The following CCNT1 variants were observed in gnomAD, a reference collection of about 807,000 sequenced individuals.
CCNT1 encodes the protein cyclin-T1.
Under a neutral mutation model 67.3 loss-of-function variants are expected in CCNT1, and 18 were observed. The ratio of observed to expected loss-of-function variants is 0.27; its 90% CI spans 0.18 to 0.40. CCNT1 has a LOEUF of 0.40. Ranked by LOEUF, CCNT1 falls within the 10% of genes least tolerant of loss-of-function variation. CCNT1 has a pLI of 1.00. For synonymous variants in CCNT1, 333 were observed against 310.3 expected (o/e 1.07, Z -0.77); for missense variants, 744 against 884.9 (o/e 0.84, Z 2.02).
rs748920111 is a variant in CCNT1 at position 48,716,600 on chromosome 12, G to A, written c.76C>T (p.Arg26Cys). The A allele has an allele frequency of 4.3e-6, 7 of 1,614,230 alleles. No homozygotes were observed. Among genetic ancestry groups the A allele is most frequent in the Non-Finnish European group, 5.1e-6 (6 of 1,180,024 alleles). ...TCTTTATCTGGGTCCACGCCAAAAC[G>A]ACGGGATGGGCTATTTTCCAGCTGT... ...REQLENSPSR[R>C]FGVDPDKELS... is the part of the protein sequence containing the mutation. Residue 26 changes from arginine to cysteine, a missense_variant, in exon 1 of 9, where the codon CGT becomes TGT. Physicochemically the swap from Arg to Cys is radical, Grantham distance 180. Around this residue, in one of 3 missense-constraint regions of CCNT1, gnomAD observed 38 missense variants for 33.7 expected, o/e 1.13. Coordinates refer to ENST00000261900, the MANE Select transcript of CCNT1 (RefSeq NM_001240.4).
intron 5 of CCNT1, among the ~76,000 whole-genome samples, chr12:48,699,026 A>G (rs1028781471): frequency 4.6e-5 from 7 of 152,154 alleles, no homozygotes; most frequent in African/African-American, 1.7e-4. Context: ...CAAATCATCA[A>G]ATAATGTAAT....
intron 2 of CCNT1, among the ~76,000 whole-genome samples, chr12:48,712,595 T>TAAAAAAAAA (rs759919820): frequency 4.5e-4 from 15 of 33,372 alleles, no homozygotes; most frequent in African/African-American, 1.2e-3. Context: ...AAAAAAAAAA[T>TAAAAAAAAA]AAAAAAAAAA....
rs1418944760 is a variant in CCNT1, at chr12:48,692,753, T to A, written c.*280A>T. Reference sequence around the variant, plus strand: ...AGATATCAACTCCAATCAACCTAATTAGATGGTGGAGAGGCCAAGAATTCA... The same window carrying A: ...AGATATCAACTCCAATCAACCTAATAAGATGGTGGAGAGGCCAAGAATTCA... On this transcript the variant is annotated 3_prime_UTR_variant, in exon 9 of 9. Coordinates refer to ENST00000261900, the MANE Select transcript of CCNT1 (RefSeq NM_001240.4). 1 of 298,032 alleles carries A rather than the reference T, an allele frequency of 3.4e-6. No homozygotes were observed. The highest frequency in any genetic ancestry group is 4.5e-5 in the Admixed American group (1 of 22,208). The allele number at this position is 298,032 out of a possible 1,614,324, so 18.5% of individuals were successfully genotyped here.
chr12:48,702,787 G>A (rs60351852), intron 3 of CCNT1, among the ~76,000 whole-genome samples: 3,071 of 151,840 alleles, frequency 0.02, 111 homozygotes, highest in African/African-American at 0.071. Flanking sequence ...ACGGCACTCC[G>A]GCCTGGGTGA....
chr12:48,714,221 T>TA (rs1940500161), intron 2 of CCNT1, among the ~76,000 whole-genome samples: 1 of 152,178 alleles, frequency 6.6e-6, no homozygotes, highest in Non-Finnish European at 1.5e-5. Context: ...TCTACTTCTT[T>TA]AGAGAATCGA....
At chr12:48,714,177 G>C (rs1453343202) in intron 2 of CCNT1, among the ~76,000 whole-genome samples, 1 of 152,144 alleles carries the variant, frequency 6.6e-6, no homozygotes, top group African/African-American at 2.4e-5. Flanking sequence ...CAAAGTGCTG[G>C]GATTACAGTT....
intron 2 of CCNT1, among the ~76,000 whole-genome samples, chr12:48,710,259 T>C (rs527840211): frequency 6.6e-6 from 1 of 152,248 alleles, no homozygotes; most frequent in Non-Finnish European, 1.5e-5. Context: ...TGACAGGATA[T>C]ATAACATATC....
At chr12:48,702,286 T>G (rs1437302362) in intron 3 of CCNT1, among the ~76,000 whole-genome samples, 1 of 152,248 alleles carries the variant, frequency 6.6e-6, no homozygotes, top group Non-Finnish European at 1.5e-5. Context: ...ATTTGGCTCC[T>G]ATTAGAACTT....
At chr12:48,695,706 T>C in intron 8 of CCNT1, 53 bp downstream of exon 8, 1 of 1,202,152 alleles carries the variant, frequency 8.3e-7, no homozygotes, top group Non-Finnish European at 1.2e-6. Context: ...TATTCACTGG[T>C]GCAGTCAAAA....
In CCNT1 at chr12:48,705,750, GT is replaced by G; in HGVS notation, c.372+17del. On this transcript the variant is annotated intron_variant, in intron 3 of 8. Transcript: ENST00000261900. ...AGGAAAAAAATTAAGAAAAACAGAT[GT>G]GTAATTAATCTCCTACCTCACTTCT... 11 of 1,593,286 alleles carry G rather than the reference GT, an allele frequency of 6.9e-6. No individual in the cohort carries two copies. Among genetic ancestry groups the G allele is most frequent in the Non-Finnish European group, 9.4e-6 (11 of 1,170,734 alleles).
In CCNT1 at chr12:48,694,217, G is replaced by A. The variant is rs199856816; in HGVS notation, c.997C>T (p.Arg333Cys). 7.7e-5 allele frequency: 125 copies of A among 1,614,150 alleles called. No homozygotes were observed. In the South Asian group the frequency reaches 8.8e-4, roughly 11 times the overall value. Residue 333 changes from arginine to cysteine, a missense_variant, in exon 9 of 9, where the codon CGT (arginine) becomes TGT (cysteine). Physicochemically the swap from Arg to Cys is radical, Grantham distance 180. Coordinates refer to ENST00000261900, the MANE Select transcript of CCNT1 (RefSeq NM_001240.4). ...AAAGAAGGTTGGGAGGACAGCCAAC[G>A]CTTGCCCGGCAACATCTCCACACTG... Reference protein sequence around the residue: ...LTSVEMLPGKRWLSSQPSFKL... With the variant: ...LTSVEMLPGKCWLSSQPSFKL...
intron 4 of CCNT1, among the ~76,000 whole-genome samples, chr12:48,700,056 A>C (rs925504777): frequency 2.6e-5 from 4 of 152,164 alleles, no homozygotes; most frequent in African/African-American, 9.7e-5. Context: ...GCGGTGGATC[A>C]AGCCTGTAAT....
At chr12:48,716,383 G>A (rs1404874968) in intron 1 of CCNT1, 132 bp downstream of exon 1, 5 of 793,614 alleles carry the variant, frequency 6.3e-6, no homozygotes, top group Non-Finnish European at 9.8e-6. Context: ...CCCATCGTGG[G>A]CTCTCCCAAC....
At chr12:48,703,055 C>A (rs1940296913) in intron 3 of CCNT1, among the ~76,000 whole-genome samples, 1 of 151,500 alleles carries the variant, frequency 6.6e-6, no homozygotes, top group South Asian at 2.1e-4. Context: ...TTATGAGAAT[C>A]TAATGCCTGA....
intron 1 of CCNT1, among the ~76,000 whole-genome samples, chr12:48,716,305 G>A (rs991815543): frequency 2.6e-5 from 4 of 152,368 alleles, no homozygotes; most frequent in South Asian, 4.1e-4. Context: ...CAAGGCTGGC[G>A]GCACGGGTGA....
Position 48,688,797 on chromosome 12 carries a change from G to A in CCNT1, c.*4236C>T, listed in dbSNP as rs1357962051. 1 of 146,684 alleles carries A rather than the reference G, an allele frequency of 6.8e-6. No individual in the cohort carries two copies. The highest frequency in any genetic ancestry group is 1.5e-5 in the Non-Finnish European group (1 of 67,040). The allele number at this position is 146,684 out of a possible 1,614,324, so 9.1% of individuals were successfully genotyped here. The stretch of plus-strand genomic sequence containing the variant: ...AAAATTGTACCTGAGTGACAGATTG[G>A]TAAAGTGTTTTACTTTTTTTTTTCT... On this transcript the variant is annotated 3_prime_UTR_variant, in exon 9 of 9. Coordinates refer to ENST00000261900, the MANE Select transcript of CCNT1 (RefSeq NM_001240.4).
intron 1 of CCNT1, 23 bp downstream of exon 1, chr12:48,716,492 G>A (rs774554411): frequency 3.8e-6 from 6 of 1,589,988 alleles, no homozygotes; most frequent in Non-Finnish European, 4.3e-6. Flanking sequence ...CTCCAAGGCC[G>A]AAGGCCTAGG....
chr12:48,699,199 A>C (rs1016050315), intron 5 of CCNT1, among the ~76,000 whole-genome samples: 30 of 152,170 alleles, frequency 2.0e-4, no homozygotes, highest in African/African-American at 6.8e-4. Context: ...AATATAAAGA[A>C]CTCAGGAAAA....
chr12:48,713,139 A>C (rs1940481029), intron 2 of CCNT1, among the ~76,000 whole-genome samples: 1 of 152,120 alleles, frequency 6.6e-6, no homozygotes, highest in African/African-American at 2.4e-5. Context: ...CTGTACAAAA[A>C]AATAAAATTT....
Sources: allele counts gnomAD v4.1 joint callset (sites outside exome capture counted in the v4.1 genomes callset), GRCh38; gene constraint gnomAD v4.1.1; regional missense constraint gnomAD v4.1.1; transcripts MANE v1.5; gene names NCBI Gene and HGNC (gene_info 2026-07-23, HGNC 2026-07-21).